The following GPC6 variants were observed in gnomAD, a reference collection of about 807,000 sequenced individuals.
GPC6 encodes the protein glypican 6, also known as glypican-6.
Under a neutral mutation model 55.2 loss-of-function variants are expected in GPC6, and 14 were observed. That is an observed-to-expected ratio of 0.25 (90% CI 0.17 to 0.40). The LOEUF is 0.40. Ranked by LOEUF, GPC6 falls within the 10% of genes least tolerant of loss-of-function variation. GPC6 has a pLI of 1.00. For synonymous variants in GPC6, 278 were observed against 259.6 expected, an observed-to-expected ratio of 1.07 and a Z score of -0.68; for missense variants, 641 against 708.5, an observed-to-expected ratio of 0.90 and a Z score of 1.08.
intron 2 of GPC6, among the ~76,000 whole-genome samples, chr13:93,677,286 T>C (rs1395189013): frequency 1.3e-5 from 2 of 152,184 alleles, no homozygotes; most frequent in Non-Finnish European, 2.9e-5. Flanking sequence ...TTAAATTGTG[T>C]ATCGTTCTTC....
At chr13:93,486,903 C>T (rs1879734328) in intron 1 of GPC6, among the ~76,000 whole-genome samples, 1 of 151,072 alleles carries the variant, frequency 6.6e-6, no homozygotes, top group Admixed American at 6.6e-5. Context: ...TGAGATCGTG[C>T]CACCATACTC....
chr13:93,722,835 G>T (rs375881885), intron 2 of GPC6, among the ~76,000 whole-genome samples: 1 of 151,604 alleles, frequency 6.6e-6, no homozygotes, highest in African/African-American at 2.4e-5. Flanking sequence ...TAGACACATC[G>T]CTCCAATCTC....
intron 2 of GPC6, among the ~76,000 whole-genome samples, chr13:93,576,989 A>G (rs1745755024): frequency 6.6e-6 from 1 of 152,110 alleles, no homozygotes; most frequent in Non-Finnish European, 1.5e-5. Flanking sequence ...TTTTCACTCA[A>G]TGCTACCCAT....
chr13:93,360,691 A>T (rs1404304293), intron 1 of GPC6, among the ~76,000 whole-genome samples: 1 of 152,080 alleles, frequency 6.6e-6, no homozygotes, highest in African/African-American at 2.4e-5. Flanking sequence ...TTGGAGTGGG[A>T]TAGAATTGAT....
At chr13:93,717,639 G>T (rs1393174566) in intron 2 of GPC6, among the ~76,000 whole-genome samples, 1 of 151,652 alleles carries the variant, frequency 6.6e-6, no homozygotes, top group African/African-American at 2.4e-5. Context: ...TATACTTTAT[G>T]TTCTGGGATA....
intron 7 of GPC6, among the ~76,000 whole-genome samples, chr13:94,388,983 T>C (rs1391517316): frequency 1.3e-5 from 2 of 152,214 alleles, no homozygotes; most frequent in Non-Finnish European, 2.9e-5. Context: ...TTAGAGTTCA[T>C]GGCAATGTCT....
At chr13:93,449,248 G>C (rs892497292) in intron 1 of GPC6, among the ~76,000 whole-genome samples, 2 of 152,168 alleles carry the variant, frequency 1.3e-5, no homozygotes, top group Non-Finnish European at 2.9e-5. Flanking sequence ...ACTAGGAAAA[G>C]GAGGAAGTCA....
intron 2 of GPC6, among the ~76,000 whole-genome samples, chr13:93,627,544 T>C (rs1340552983): frequency 6.6e-6 from 1 of 152,170 alleles, no homozygotes; most frequent in African/African-American, 2.4e-5. Context: ...CCACTGCTGC[T>C]TCACAGTAAT....
intron 2 of GPC6, among the ~76,000 whole-genome samples, chr13:93,732,001 A>C (rs2138837473): frequency 6.6e-6 from 1 of 152,300 alleles, no homozygotes; most frequent in Admixed American, 6.5e-5. Flanking sequence ...GTGACTGATA[A>C]ATGCAAAAAT....
At chr13:93,358,076 G>A (rs72639035) in intron 1 of GPC6, among the ~76,000 whole-genome samples, 23,121 of 152,134 alleles carry the variant, frequency 0.15, 2,160 homozygotes, top group East Asian at 0.37. Flanking sequence ...GGCCGGGTAC[G>A]GTGGCTCATG....
At chr13:93,441,416 G>T (rs1300566615) in intron 1 of GPC6, among the ~76,000 whole-genome samples, 1 of 152,074 alleles carries the variant, frequency 6.6e-6, no homozygotes, top group African/African-American at 2.4e-5. Flanking sequence ...ATCTCATTGT[G>T]GTTTTGATTT....
intron 1 of GPC6, among the ~76,000 whole-genome samples, chr13:93,473,111 T>C (rs1378406247): frequency 1.3e-5 from 2 of 152,158 alleles, no homozygotes; most frequent in African/African-American, 4.8e-5. Context: ...GAAAAGTCAC[T>C]GCAATTCCCA....
intron 2 of GPC6, among the ~76,000 whole-genome samples, chr13:93,702,609 A>G (rs1727706891): frequency 6.6e-6 from 1 of 152,004 alleles, no homozygotes; most frequent in Non-Finnish European, 1.5e-5. Flanking sequence ...AGGCTGTTTC[A>G]TCTACATTGA....
chr13:93,288,961 T>G (rs1878226990), intron 1 of GPC6, among the ~76,000 whole-genome samples: 1 of 152,170 alleles, frequency 6.6e-6, no homozygotes, highest in Admixed American at 6.5e-5. Context: ...AACAAGCAAC[T>G]GAAGAGTTAT....
chr13:94,229,253 T>C (rs1890647053), intron 4 of GPC6, among the ~76,000 whole-genome samples: 1 of 152,220 alleles, frequency 6.6e-6, no homozygotes, highest in Non-Finnish European at 1.5e-5. Flanking sequence ...TTTGGTGGAA[T>C]AATCTTGTTC....
In GPC6 at chr13:93,855,390, A is replaced by G. The variant is rs181980475; in HGVS notation, c.711+24845A>G. Among the ~76,000 whole-genome samples, 116 of 151,650 alleles carry G rather than the reference A, an allele frequency of 7.6e-4. 1 individual carries two copies. The highest frequency in any genetic ancestry group is 1.9e-4 in the Non-Finnish European group (13 of 67,736). On this transcript the variant is annotated intron_variant, in intron 3 of 8. Coordinates refer to ENST00000377047, the MANE Select transcript of GPC6 (RefSeq NM_005708.5). ...TCCTTTTAAGATTCAATAATATTCC[A>G]TTATCTGGGTGTAACACAATTTTAT...
At chr13:93,288,912 A>C (rs1345795682) in intron 1 of GPC6, among the ~76,000 whole-genome samples, 1 of 152,214 alleles carries the variant, frequency 6.6e-6, no homozygotes, top group South Asian at 2.1e-4. Context: ...ACAGACCTGT[A>C]TAGGGCAGTC....
At chr13:94,196,359 C>T (rs896121563) in intron 4 of GPC6, among the ~76,000 whole-genome samples, 1 of 151,992 alleles carries the variant, frequency 6.6e-6, no homozygotes, top group African/African-American at 2.4e-5. Flanking sequence ...AAGCCAAGCG[C>T]ATGCTATATA....
chr13:93,939,742 ACCTAAC>A (rs1271150074), intron 3 of GPC6, among the ~76,000 whole-genome samples: 2 of 152,072 alleles, frequency 1.3e-5, no homozygotes, highest in Non-Finnish European at 2.9e-5. Flanking sequence ...GAGCCACTGC[ACCTAAC>A]CATAACACCA....
Sources: gnomAD v4.1 joint callset for allele counts (sites outside exome capture counted in the v4.1 genomes callset) on GRCh38, gnomAD v4.1.1 for gene constraint, MANE v1.5 for transcripts, NCBI Gene and HGNC (gene_info 2026-07-23, HGNC 2026-07-21) for gene names.